The following MSRB2 variants were observed in gnomAD, a reference collection of about 807,000 sequenced individuals.
The protein encoded by MSRB2 is methionine-R-sulfoxide reductase B2, mitochondrial.
A neutral mutation model predicts 19.0 loss-of-function variants in MSRB2; 17 were observed. The ratio of observed to expected loss-of-function variants is 0.89; its 90% confidence interval spans 0.61 to 1.34. The LOEUF (loss-of-function observed/expected upper bound fraction) is 1.34. Among genes scored for constraint, MSRB2 ranks in the 40% most tolerant of loss-of-function variants. MSRB2 has a pLI of 0.00. For synonymous variants in MSRB2, 107 were observed against 99.7 expected (o/e 1.07, Z -0.44); for missense variants, 208 against 237.6 (o/e 0.88, Z 0.82).
Position 23,121,550 on chromosome 10 carries a change from G to C in MSRB2, c.*688G>C, listed in dbSNP as rs900271284. 1.3e-5 allele frequency: 2 copies of C among 152,256 alleles called. No homozygotes were observed. The highest frequency in any genetic ancestry group is 2.9e-5 in the Non-Finnish European group (2 of 68,104). 9.4% of individuals were successfully genotyped at this position (152,256 alleles called of 1,614,324 possible). ...CACTTGGAGTAGAACTTCACAAAAC[G>C]ACAGAGGGACAGCTGTTTCCATCAA... On this transcript the variant is annotated 3_prime_UTR_variant, in exon 5 of 5. Coordinates refer to ENST00000376510, the MANE Select transcript of MSRB2 (RefSeq NM_012228.4).
chr10:23,100,882 G>A (rs1208165398), intron 1 of MSRB2, among the ~76,000 whole-genome samples: 1 of 152,184 alleles, frequency 6.6e-6, no homozygotes, highest in Non-Finnish European at 1.5e-5. Flanking sequence ...TGATGGTTTG[G>A]TAGCCAGAAG....
intron 3 of MSRB2, among the ~76,000 whole-genome samples, chr10:23,118,359 C>A (rs1184827328): frequency 1.6e-5 from 1 of 63,230 alleles, no homozygotes; most frequent in Non-Finnish European, 2.9e-5. Context: ...TTTTTTTTGG[C>A]TGGGTCTAAC....
At chr10:23,099,918 T>A (rs1408743806) in intron 1 of MSRB2, among the ~76,000 whole-genome samples, 1 of 152,220 alleles carries the variant, frequency 6.6e-6, no homozygotes, top group Non-Finnish European at 1.5e-5. Context: ...GACTTTTAGC[T>A]CTTCTCTAAT....
At chr10:23,105,847 T>C (rs1320375162) in intron 2 of MSRB2, among the ~76,000 whole-genome samples, 3 of 152,214 alleles carry the variant, frequency 2.0e-5, no homozygotes, top group South Asian at 2.1e-4. Context: ...CACATTCCAA[T>C]AAAGTCCCCT....
At chr10:23,106,859 G>A (rs112050294) in intron 2 of MSRB2, among the ~76,000 whole-genome samples, 10,172 of 152,184 alleles carry the variant, frequency 0.067, 906 homozygotes, top group African/African-American at 0.2. Flanking sequence ...TCCTGTGTGA[G>A]GTTATCTGCA....
intron 1 of MSRB2, 57 bp downstream of exon 1, chr10:23,095,783 C>A: frequency 8.8e-7 from 1 of 1,142,350 alleles, no homozygotes; most frequent in South Asian, 3.8e-5. Flanking sequence ...CTTCATTTCA[C>A]CGGCTGCACC....
intron 3 of MSRB2, among the ~76,000 whole-genome samples, chr10:23,112,873 C>G (rs7085531): frequency 6.6e-6 from 1 of 152,230 alleles, no homozygotes; most frequent in Non-Finnish European, 1.5e-5. Context: ...CGTGAGCCAG[C>G]GCACCCGGGC....
At chr10:23,112,938 G>A (rs956998474) in intron 3 of MSRB2, among the ~76,000 whole-genome samples, 4 of 152,204 alleles carry the variant, frequency 2.6e-5, no homozygotes, top group East Asian at 3.8e-4. Context: ...ACATGAATGC[G>A]CTTTTGATCC....
intron 1 of MSRB2, among the ~76,000 whole-genome samples, chr10:23,096,373 T>TGTGTGTGTGTGTGTGTGTGTGTG (rs3838757): frequency 1.5e-4 from 23 of 151,686 alleles, no homozygotes; most frequent in African/African-American, 3.9e-4. Context: ...TGTGTGTGTG[T>TGTGTGTGTGTGTGTGTGTGTGTG]TTCTGCTAAA....
At chr10:23,099,792 C>T (rs960191191) in intron 1 of MSRB2, among the ~76,000 whole-genome samples, 4 of 152,182 alleles carry the variant, frequency 2.6e-5, no homozygotes, top group African/African-American at 7.2e-5. Flanking sequence ...CTCTCTAATA[C>T]GTGTAACAAA....
intron 2 of MSRB2, among the ~76,000 whole-genome samples, chr10:23,108,998 C>T (rs867918983): frequency 5.9e-5 from 9 of 152,168 alleles, no homozygotes; most frequent in Admixed American, 2.0e-4. Context: ...AATACTACCA[C>T]AGGGAATTTG....
At chr10:23,112,092 C>T (rs953820899) in intron 3 of MSRB2, among the ~76,000 whole-genome samples, 3 of 152,070 alleles carry the variant, frequency 2.0e-5, no homozygotes, top group Non-Finnish European at 2.9e-5. Context: ...GAAAACCAGC[C>T]GATTCTCCAA....
chr10:23,117,783 G>A lies in MSRB2; in HGVS notation c.297-1521G>A, dbSNP rs192637086. 4.8e-3 allele frequency among the ~76,000 whole-genome samples: 736 copies of A among 152,220 alleles called. 9 individuals are homozygous for A. The highest frequency in any genetic ancestry group is 0.017 in the African/African-American group (689 of 41,550). ...TTTTTCTATTTTTAGTAGAGAGGGG[G>A]TTTCACCATGTTGGCCAGGCTGGTC... On this transcript the variant is annotated intron_variant, in intron 3 of 4. Coordinates refer to ENST00000376510, the MANE Select transcript of MSRB2 (RefSeq NM_012228.4).
At chr10:23,114,812 A>AT (rs1840093260) in intron 3 of MSRB2, among the ~76,000 whole-genome samples, 1 of 152,198 alleles carries the variant, frequency 6.6e-6, no homozygotes, top group Non-Finnish European at 1.5e-5. Context: ...GTAGCCAGCC[A>AT]AAATATGAAC....
At chr10:23,105,212 CTGTGTGTG>C (rs36039793) in intron 2 of MSRB2, among the ~76,000 whole-genome samples, 6 of 147,074 alleles carry the variant, frequency 4.1e-5, no homozygotes, top group African/African-American at 7.5e-5. Context: ...CTCTGTGTGT[CTGTGTGTG>C]TGTGTGTGTG....
In MSRB2 at chr10:23,120,785, C is replaced by A. The variant is rs887223244; in HGVS notation, c.472C>A (p.Pro158Thr). 1 of 1,614,116 alleles carries A rather than the reference C, an allele frequency of 6.2e-7. No homozygotes were observed. Among genetic ancestry groups the A allele is most frequent in the Non-Finnish European group, 8.5e-7 (1 of 1,180,022 alleles). The part of the protein sequence containing the change: ...QCEAHLGHVF[P>T]DGPGPNGQRF... ...TGAAGCTCATCTAGGTCACGTGTTT[C>A]CTGATGGACCTGGGCCCAATGGTCA... is the stretch of plus-strand genomic sequence containing the variant. The change falls in exon 5 of 5, where the codon CCT becomes ACT. Residue 158 changes from proline to threonine, a missense_variant. Pro to Thr is a conservative substitution (Grantham distance 38). Transcript: ENST00000376510.
At position 23,095,633 on chromosome 10, in the gene MSRB2, C is replaced by CG; in HGVS notation, c.29dup (p.Leu11ProfsTer36). ...CATGGCGCGGCTCCTCTGGTTGCTCCGGGGCCTGACCCTCGGAACTGCGCC... is the reference window on the plus strand; with the variant it reads ...CATGGCGCGGCTCCTCTGGTTGCTCCGGGGGCCTGACCCTCGGAACTGCGCC... On this transcript the variant is annotated frameshift_variant, in exon 1 of 5. Transcript: ENST00000376510. LOFTEE classifies it high-confidence loss of function. 6.8e-7 allele frequency: 1 copy of CG among 1,462,804 alleles called. No individual in the cohort carries two copies. The highest frequency in any genetic ancestry group is 9.0e-7 in the Non-Finnish European group (1 of 1,113,394). 90.6% of individuals were successfully genotyped at this position (1,462,804 alleles called of 1,614,324 possible).
intron 3 of MSRB2, among the ~76,000 whole-genome samples, chr10:23,114,432 A>G (rs1840088445): frequency 2.6e-5 from 4 of 152,228 alleles, no homozygotes; most frequent in Admixed American, 2.6e-4. Context: ...GAGCACTTAC[A>G]TGCCAGACAC....
intron 2 of MSRB2, 103 bp downstream of exon 2, chr10:23,104,347 C>A: frequency 1.3e-6 from 1 of 779,820 alleles, no homozygotes; most frequent in Non-Finnish European, 2.0e-6. Context: ...CAACACTCCA[C>A]AGGCCTGGTC....
Sources: gnomAD v4.1 joint callset for allele counts (sites outside exome capture counted in the v4.1 genomes callset) on GRCh38, gnomAD v4.1.1 for gene constraint, MANE v1.5 for transcripts, NCBI Gene and HGNC (gene_info 2026-07-23, HGNC 2026-07-21) for gene names.